Variants in HSPA12A observed in about 807,000 individuals in gnomAD.
The protein encoded by HSPA12A is heat shock protein family A (Hsp70) member 12A, also known as heat shock 70 kDa protein 12A.
HSPA12A carries 28 observed loss-of-function variants against 69.2 expected under a neutral mutation model. That is an observed-to-expected ratio of 0.40 (90% CI 0.30 to 0.55). HSPA12A has a LOEUF of 0.55. HSPA12A is among the 20% of genes least tolerant of loss of function. HSPA12A has a pLI of 0.38. For synonymous variants in HSPA12A, 345 were observed against 370.5 expected, an observed-to-expected ratio of 0.93 and a Z score of 0.79; for missense variants, 686 against 900.7, an observed-to-expected ratio of 0.76 and a Z score of 3.05.
chr10:116,811,242 G>C (rs927504046), intron 2 of HSPA12A, among the ~76,000 whole-genome samples: 24 of 152,154 alleles, frequency 1.6e-4, no homozygotes, highest in African/African-American at 5.6e-4. Context: ...CTGGAGCTTG[G>C]TAAGCAAGGA....
At chr10:116,697,799 C>A (rs1849957128) in intron 5 of HSPA12A, among the ~76,000 whole-genome samples, 4 of 152,180 alleles carry the variant, frequency 2.6e-5, no homozygotes, top group Non-Finnish European at 4.4e-5. Flanking sequence ...CATCACTCCT[C>A]AAAGAAACTC....
chr10:116,787,234 G>A (rs930313395), intron 2 of HSPA12A, among the ~76,000 whole-genome samples: 4 of 151,872 alleles, frequency 2.6e-5, no homozygotes, highest in African/African-American at 9.7e-5. Context: ...GAGCAATCTG[G>A]AAATACCAAA....
chr10:116,705,291 A>G lies in HSPA12A; in HGVS notation c.127-13T>C. On this transcript the variant is annotated splice_polypyrimidine_tract_variant and intron_variant, in intron 2 of 11. Transcript: ENST00000369209. ...AGTCAGTGTCGTTCTGCAGATATACAGTGAGGCATGGGGGGTGTGGAGGGG... is the reference window on the plus strand; with the variant it reads ...AGTCAGTGTCGTTCTGCAGATATACGGTGAGGCATGGGGGGTGTGGAGGGG... 6.2e-7 allele frequency: 1 copy of G among 1,613,996 alleles called. No homozygotes were observed. Among genetic ancestry groups the G allele is most frequent in the Non-Finnish European group, 8.5e-7 (1 of 1,179,940 alleles).
chr10:116,801,504 G>A (rs1365731756), intron 2 of HSPA12A, among the ~76,000 whole-genome samples: 1 of 152,126 alleles, frequency 6.6e-6, no homozygotes, highest in Non-Finnish European at 1.5e-5. Context: ...TTGGAGAAAG[G>A]GAGTTCCTAG....
In HSPA12A at chr10:116,681,852, C is replaced by G; in HGVS notation, c.861G>C (p.Arg287=). The change falls in exon 8 of 12, where the codon CGG becomes CGC. Residue 287 remains arginine (R), a synonymous_variant. Transcript: ENST00000369209. ...TQAKEHIRRN[R]QSRTFLVENV... Reference sequence around the variant, plus strand: ...TCTCCACCAAAAAGGTCCGACTCTGCCGATTACGCCGTATGTGTTCCTTAG... The same window carrying G: ...TCTCCACCAAAAAGGTCCGACTCTGGCGATTACGCCGTATGTGTTCCTTAG... 6.2e-7 allele frequency: 1 copy of G among 1,614,132 alleles called. No individual in the cohort carries two copies. The highest frequency in any genetic ancestry group is 8.5e-7 in the Non-Finnish European group (1 of 1,179,976).
intron 2 of HSPA12A, among the ~76,000 whole-genome samples, chr10:116,755,698 T>C (rs1442194332): frequency 6.8e-6 from 1 of 147,286 alleles, no homozygotes; most frequent in Non-Finnish European, 1.5e-5. Context: ...CTAAGTGCAG[T>C]GGCTCACGTC....
rs1554876775 is a variant in HSPA12A at position 116,671,903 on chromosome 10, A to C, written c.*2878T>G. On this transcript the variant is annotated 3_prime_UTR_variant, in exon 12 of 12. Coordinates refer to ENST00000369209, the MANE Select transcript of HSPA12A (RefSeq NM_025015.3). ...CAGTGCTCTTATTCTAGAATATTCC[A>C]GTGGGGGTAGGGAAGGAGGGATGGA... The C allele has an allele frequency of 6.6e-6, 1 of 152,572 alleles. No individual in the cohort carries two copies. Among genetic ancestry groups the C allele is most frequent in the African/African-American group, 2.4e-5 (1 of 41,444 alleles). The allele number at this position is 152,572 out of a possible 1,614,324, so 9.5% of individuals were successfully genotyped here.
chr10:116,696,342 G>A (rs532706878), intron 5 of HSPA12A, among the ~76,000 whole-genome samples: 2 of 152,262 alleles, frequency 1.3e-5, no homozygotes, highest in South Asian at 2.1e-4. Context: ...GTGGGGCCAG[G>A]TGGAGATAAC....
At chr10:116,787,177 TCATG>T (rs1844597597) in intron 2 of HSPA12A, among the ~76,000 whole-genome samples, 2 of 152,038 alleles carry the variant, frequency 1.3e-5, no homozygotes, top group Non-Finnish European at 2.9e-5. Flanking sequence ...CCATGGGATC[TCATG>T]CATTCTGGGT....
chr10:116,830,409 A>C (rs1256458525), intron 2 of HSPA12A: 1 of 152,208 alleles, frequency 6.6e-6, no homozygotes. Context: ...ATTTATGCAC[A>C]TATATACATA....
At chr10:116,810,585 A>T (rs1845159423) in intron 2 of HSPA12A, among the ~76,000 whole-genome samples, 1 of 152,236 alleles carries the variant, frequency 6.6e-6, no homozygotes, top group South Asian at 2.1e-4. Context: ...GGGTCTCTGC[A>T]GATGGTCTAA....
intron 2 of HSPA12A, among the ~76,000 whole-genome samples, chr10:116,776,181 C>T (rs1004705175): frequency 3.3e-5 from 5 of 152,202 alleles, no homozygotes; most frequent in Non-Finnish European, 5.9e-5. Context: ...CTCTGTGGCC[C>T]ACCCCTGGGA....
chr10:116,808,849 G>A (rs533973718), intron 2 of HSPA12A, among the ~76,000 whole-genome samples: 3 of 152,246 alleles, frequency 2.0e-5, no homozygotes, highest in East Asian at 1.9e-4. Context: ...CCGCACCGCC[G>A]TTCCTATGTT....
At chr10:116,691,300 G>T (rs1201445342) in intron 6 of HSPA12A, among the ~76,000 whole-genome samples, 1 of 152,160 alleles carries the variant, frequency 6.6e-6, no homozygotes, top group Non-Finnish European at 1.5e-5. Flanking sequence ...CAAGCCTTCC[G>T]AGTGAGCGCT....
chr10:116,835,032 G>A (rs892520877), intron 1 of HSPA12A: 1 of 1,228,020 alleles, frequency 8.1e-7, no homozygotes, highest in East Asian at 3.2e-5. Context: ...TCTGTAGGAG[G>A]GGGGAAAAGA....
At chr10:116,720,061 G>A (rs1014316839) in intron 1 of HSPA12A, among the ~76,000 whole-genome samples, 8 of 152,334 alleles carry the variant, frequency 5.3e-5, no homozygotes, top group East Asian at 3.9e-4. Flanking sequence ...TAGTGGTGAC[G>A]GTTGCACAAT....
intron 2 of HSPA12A, among the ~76,000 whole-genome samples, chr10:116,817,794 G>T (rs886787689): frequency 6.6e-5 from 10 of 152,144 alleles, no homozygotes; most frequent in Admixed American, 2.0e-4. Context: ...TGAAGAATGT[G>T]GGTCAGTCAA....
intron 2 of HSPA12A, among the ~76,000 whole-genome samples, chr10:116,767,090 G>C (rs1844096362): frequency 6.6e-6 from 1 of 152,160 alleles, no homozygotes; most frequent in Admixed American, 6.5e-5. Context: ...AGGCCTCTGG[G>C]GGCTAGAGCG....
chr10:116,752,833 C>T (rs1345811399), intron 2 of HSPA12A, among the ~76,000 whole-genome samples: 4 of 152,172 alleles, frequency 2.6e-5, no homozygotes, highest in African/African-American at 9.7e-5. Context: ...TAATGCTTAA[C>T]CCAGTTTCTG....
Sources: allele counts gnomAD v4.1 joint callset (sites outside exome capture counted in the v4.1 genomes callset), GRCh38; gene constraint gnomAD v4.1.1; transcripts MANE v1.5; gene names NCBI Gene and HGNC (gene_info 2026-07-23, HGNC 2026-07-21).